MDN1: variants seen among roughly 807,000 people sequenced by gnomAD.
MDN1 encodes the protein midasin.
Under a neutral mutation model 669.2 loss-of-function variants are expected in MDN1, and 266 were observed. The observed-to-expected ratio is 0.40, with a 90% CI of 0.36 to 0.44. The LOEUF is 0.44. Among genes scored for constraint, MDN1 ranks in the 20% least tolerant of loss-of-function variants. The pLI is 1.00. For synonymous variants in MDN1, 2,385 were observed against 2,457.1 expected (o/e 0.97, Z 0.87); for missense variants, 5,940 against 6,754.0 (o/e 0.88, Z 4.22).
rs746633073 is a variant in MDN1, at chr6:89,670,923, T to C, written c.13952A>G (p.Gln4651Arg). 31 of 1,613,968 alleles carry C rather than the reference T, an allele frequency of 1.9e-5. 1 individual carries two copies. The highest frequency in any genetic ancestry group is 3.3e-4 in the Middle Eastern group (2 of 6,084). The change falls in exon 83 of 102, where the codon CAG (glutamine) becomes CGG (arginine). Residue 4651 changes from glutamine (Q) to arginine (R), a missense_variant. This residue lies in a region of MDN1 where 2,280 missense variants were observed against 2,576.3 expected (regional missense o/e 0.88). Transcript: ENST00000369393. Reference sequence around the variant, plus strand: ...CACCATGTGAACAGTCCTTACCTTCTGGGCAAGCTCTGTAAAGACCTGGGC... The same window carrying C: ...CACCATGTGAACAGTCCTTACCTTCCGGGCAAGCTCTGTAAAGACCTGGGC... ...VLAQVFTELAQKGFCLPKEFM... is the reference protein window; with the variant it reads ...VLAQVFTELARKGFCLPKEFM...
Position 89,712,186 on chromosome 6 carries a change from T to C in MDN1, c.7501A>G (p.Asn2501Asp), listed in dbSNP as rs1474834269. The C allele has an allele frequency of 1.2e-6, 2 of 1,614,178 alleles. No individual in the cohort carries two copies. Among genetic ancestry groups the C allele is most frequent in the Admixed American group, 1.7e-5 (1 of 60,030 alleles). The change falls in exon 49 of 102, where the codon AAT becomes GAT. Residue 2501 changes from asparagine to aspartate, a missense_variant. By Grantham distance (23) the Asn-to-Asp change is conservative (BLOSUM62 1). Around this residue, in one of 5 missense-constraint regions of MDN1, gnomAD observed 2,292 missense variants for 2,638.3 expected, o/e 0.87. Coordinates refer to ENST00000369393, the MANE Select transcript of MDN1 (RefSeq NM_014611.3). ...QSPSPENLKF[N>D]AVEVNTYWID... ...CAGTAAGTATTCACTTCGACTGCATTGAATTTCAGGTTCTCAGGGCTGGGG... is the reference window on the plus strand; with the variant it reads ...CAGTAAGTATTCACTTCGACTGCATCGAATTTCAGGTTCTCAGGGCTGGGG...
chr6:89,674,394 G>A lies in MDN1; in HGVS notation c.12957C>T (p.Gly4319=), dbSNP rs771173572. Residue 4319 remains glycine, a synonymous_variant, in exon 79 of 102, where the codon GGC becomes GGT. Transcript: ENST00000369393. ...GCCCCAGTACCTGGACATTGCCATG[G>A]CCTGGAGCTGGCCCTACACTGGGGC... ...QCCPSVGPAP[G]HGNVQVLGQP... 22 of 1,614,060 alleles carry A rather than the reference G, an allele frequency of 1.4e-5. No homozygotes were observed. In the South Asian group the frequency reaches 2.3e-4, roughly 17 times the overall value.
At chr6:89,809,215 C>CAAAAAAAAAA (rs1167270500) in intron 1 of MDN1, among the ~76,000 whole-genome samples, 1 of 59,296 alleles carries the variant, frequency 1.7e-5, no homozygotes, top group Non-Finnish European at 3.1e-5. Context: ...GACACTGTCT[C>CAAAAAAAAAA]AAAAAAAAAA....
chr6:89,686,106 G>T, intron 69 of MDN1, 133 bp from the exon 70 acceptor site: 2 of 836,946 alleles, frequency 2.4e-6, no homozygotes, highest in Admixed American at 3.0e-5. Flanking sequence ...TCTCAAGCAA[G>T]GACCATGGCT....
At position 89,750,548 on chromosome 6, in the gene MDN1, C is replaced by A; in HGVS notation, c.3228-16G>T. 1 of 1,588,152 alleles carries A rather than the reference C, an allele frequency of 6.3e-7. No individual in the cohort carries two copies. The highest frequency in any genetic ancestry group is 1.1e-5 in the South Asian group (1 of 89,380). ...TGGATAGGTTCTGTAAAAGATTAGC[C>A]AATTAAGCAACTTAAAACAACAAAA... On this transcript the variant is annotated splice_polypyrimidine_tract_variant and intron_variant, in intron 23 of 101. Transcript: ENST00000369393.
At chr6:89,728,800 CAAAGAAAAGA>C (rs374792789) in intron 36 of MDN1, 121 bp downstream of exon 36, 13 of 992,456 alleles carry the variant, frequency 1.3e-5, no homozygotes, top group Admixed American at 5.3e-5. Context: ...CTCAAAAAAA[CAAAGAAAAGA>C]AAAGAAAAGA....
intron 83 of MDN1, among the ~76,000 whole-genome samples, chr6:89,669,230 C>T (rs1313089336): frequency 6.6e-6 from 1 of 152,146 alleles, no homozygotes; most frequent in African/African-American, 2.4e-5. Context: ...TGGACAAATC[C>T]AGCTGAGCCA....
chr6:89,718,602 C>T lies in MDN1; in HGVS notation c.6347G>A (p.Arg2116Lys). The stretch of plus-strand genomic sequence containing the variant: ...AGTTCCCTCCACCTTCTCTAGCAGC[C>T]TCCTCCAAGGTCGTATAAGATCAAC... ...EQVDLIRPWR[R>K]LLEKVEGTVR... Residue 2116 changes from arginine (R) to lysine (K), a missense_variant, in exon 43 of 102, where the codon AGG (arginine) becomes AAG (lysine). Arg to Lys is a conservative substitution (Grantham distance 26, BLOSUM62 2). This residue lies in a region of MDN1 where 2,292 missense variants were observed against 2,638.3 expected (regional missense o/e 0.87). Coordinates refer to ENST00000369393, the MANE Select transcript of MDN1 (RefSeq NM_014611.3). The T allele has an allele frequency of 6.2e-7, 1 of 1,614,114 alleles. No individual in the cohort carries two copies. The highest frequency in any genetic ancestry group is 8.5e-7 in the Non-Finnish European group (1 of 1,179,992).
chr6:89,757,372 T>C (rs1484570155), intron 19 of MDN1, among the ~76,000 whole-genome samples: 1 of 152,208 alleles, frequency 6.6e-6, no homozygotes, highest in Non-Finnish European at 1.5e-5. Context: ...TATGTTTTCC[T>C]GTTATATCGT....
intron 48 of MDN1, 91 bp from the exon 49 acceptor site, chr6:89,712,347 G>T: frequency 8.0e-7 from 1 of 1,243,734 alleles, no homozygotes. Context: ...CACAAATATT[G>T]GATCAAAGGT....
At position 89,719,088 on chromosome 6, in the gene MDN1, A is replaced by G. The variant is rs535945251; in HGVS notation, c.6057+48T>C. On this transcript the variant is annotated intron_variant, in intron 41 of 101. Coordinates refer to ENST00000369393, the MANE Select transcript of MDN1 (RefSeq NM_014611.3). ...CGTGCCTGGTAGTGGGAGCAGAAGAAACCATTAAAAAATGTCAAAGGATAG... is the reference window on the plus strand; with the variant it reads ...CGTGCCTGGTAGTGGGAGCAGAAGAGACCATTAAAAAATGTCAAAGGATAG... The G allele has an allele frequency of 1.4e-4, 223 of 1,612,910 alleles. 4 individuals carry two copies. In the South Asian group the frequency reaches 2.3e-3, roughly 17 times the overall value.
chr6:89,688,660 T>A lies in MDN1; in HGVS notation c.11172A>T (p.Ala3724=). ...CTTGAAGCACAGGTTGACACTGCCG[T>A]GCTTCTGGAACATTGGGATGCTGGT... is the stretch of plus-strand genomic sequence containing the variant. ...DFYQHPNVPE[A]RQCQPVLQGF... Residue 3724 remains alanine (A), a synonymous_variant, in exon 66 of 102, where the codon GCA becomes GCT. Transcript: ENST00000369393. 6.2e-7 allele frequency: 1 copy of A among 1,614,178 alleles called. No individual in the cohort carries two copies. Among genetic ancestry groups the A allele is most frequent in the Non-Finnish European group, 8.5e-7 (1 of 1,180,028 alleles).
At position 89,712,798 on chromosome 6, in the gene MDN1, C is replaced by CAA. The variant is rs1408007685; in HGVS notation, c.7219-14_7219-13dup. ...AAAGCCTGTACAAGCTGGTAGGAGA[C>CAA]AAAAACACAATACAGTGGTACCAAC... On this transcript the variant is annotated splice_polypyrimidine_tract_variant and intron_variant, in intron 47 of 101. Coordinates refer to ENST00000369393, the MANE Select transcript of MDN1 (RefSeq NM_014611.3). The CAA allele has an allele frequency of 6.2e-7, 1 of 1,609,058 alleles. No individual in the cohort carries two copies.
At chr6:89,747,195 C>T in intron 27 of MDN1, 134 bp downstream of exon 27, 1 of 1,004,930 alleles carries the variant, frequency 1.0e-6, no homozygotes, top group Admixed American at 2.7e-5. Flanking sequence ...GCTGTTAGAA[C>T]TGGAGGGAAA....
intron 15 of MDN1, among the ~76,000 whole-genome samples, chr6:89,767,395 A>G (rs1014581716): frequency 3.3e-5 from 5 of 152,224 alleles, no homozygotes; most frequent in Non-Finnish European, 7.3e-5. Flanking sequence ...TATAATGTAA[A>G]TAATTTGATG....
Position 89,774,748 on chromosome 6 carries a change from A to AT in MDN1, c.1822-16dup. On this transcript the variant is annotated splice_polypyrimidine_tract_variant and intron_variant, in intron 12 of 101. Coordinates refer to ENST00000369393, the MANE Select transcript of MDN1 (RefSeq NM_014611.3). Reference sequence around the variant, plus strand: ...AAGAATTCAGCCTGTAGGAGGTAAGATTTTACCTGAGTAAAAATCCACATG... The same window carrying AT: ...AAGAATTCAGCCTGTAGGAGGTAAGATTTTTACCTGAGTAAAAATCCACATG... 6.4e-7 allele frequency: 1 copy of AT among 1,557,994 alleles called. No homozygotes were observed. The highest frequency in any genetic ancestry group is 1.1e-5 in the South Asian group (1 of 89,844).
chr6:89,780,456 GT>G (rs1818611109), intron 10 of MDN1, among the ~76,000 whole-genome samples, 163 bp from the exon 11 acceptor site: 1 of 152,060 alleles, frequency 6.6e-6, no homozygotes, highest in Non-Finnish European at 1.5e-5. Context: ...ACCAGTAAGG[GT>G]TCTCAATCCT....
intron 48 of MDN1, 21 bp downstream of exon 48, chr6:89,712,554 C>A (rs1171053838): frequency 6.2e-7 from 1 of 1,607,036 alleles, no homozygotes. Flanking sequence ...ACCAGAGACA[C>A]AAGCTGAAGG....
intron 26 of MDN1, among the ~76,000 whole-genome samples, chr6:89,748,775 G>A (rs144240291): frequency 2.0e-5 from 3 of 151,880 alleles, no homozygotes; most frequent in Non-Finnish European, 2.9e-5. Flanking sequence ...ACCTCTACTT[G>A]AAGGCCAAGA....
Sources: allele counts gnomAD v4.1 joint callset (sites outside exome capture counted in the v4.1 genomes callset), GRCh38; gene constraint gnomAD v4.1.1; regional missense constraint gnomAD v4.1.1; transcripts MANE v1.5; gene names NCBI Gene and HGNC (gene_info 2026-07-23, HGNC 2026-07-21).